RPH3AL: variants seen among roughly 807,000 people sequenced by gnomAD.
RPH3AL encodes the protein rab effector Noc2.
Under a neutral mutation model 43.1 loss-of-function variants are expected in RPH3AL, and 38 were observed. That is an observed-to-expected ratio of 0.88 (90% confidence interval 0.68 to 1.15). RPH3AL has a LOEUF of 1.15. RPH3AL is among the 50% of genes most tolerant of loss of function. RPH3AL has a pLI of 0.00. For synonymous variants in RPH3AL, 189 were observed against 176.3 expected (o/e 1.07, Z -0.57); for missense variants, 462 against 423.2 (o/e 1.09, Z -0.81).
At chr17:293,463 G>A (rs955971174) in intron 5 of RPH3AL, among the ~76,000 whole-genome samples, 1 of 151,784 alleles carries the variant, frequency 6.6e-6, no homozygotes, top group African/African-American at 2.4e-5. Context: ...CGCCAGGATG[G>A]CTGGGGGCCG....
chr17:245,961 C>G lies in RPH3AL; in HGVS notation c.613+1150G>C, dbSNP rs1414291126. 6.6e-6 allele frequency among the ~76,000 whole-genome samples: 1 copy of G among 152,164 alleles called. No individual in the cohort carries two copies. The stretch of plus-strand genomic sequence containing the variant: ...ATCCGGTAGGACCAGCGAGGAGAGG[C>G]TGCTATGAGGGAGTCGGGGTGCTGA... On this transcript the variant is annotated intron_variant, in intron 7 of 9. Coordinates refer to ENST00000331302, the MANE Select transcript of RPH3AL (RefSeq NM_006987.4). This position sits in a 1 kb window ranked among gnomAD's most constrained non-coding sequence, Gnocchi z 5.9.
At chr17:303,377 C>T (rs9747475) in intron 5 of RPH3AL, among the ~76,000 whole-genome samples, 61,523 of 150,790 alleles carry the variant, frequency 0.41, 12,902 homozygotes, top group East Asian at 0.5. Flanking sequence ...GGCAGCACAG[C>T]GAGACCCTGT....
At position 312,111 on chromosome 17, in the gene RPH3AL, G is replaced by A. The variant is rs77879664; in HGVS notation, c.351+7309C>T. Among the ~76,000 whole-genome samples, 103 of 152,156 alleles carry A rather than the reference G, an allele frequency of 6.8e-4. 1 individual carries two copies. The East Asian group carries it at 0.016, about 24-fold the overall frequency. ...TTGAGGGCTAGTTAGAGACCAGCCC[G>A]GGCAACAAAGCGATACCCTGTCTCT... On this transcript the variant is annotated intron_variant, in intron 5 of 9. Transcript: ENST00000331302.
intron 4 of RPH3AL, among the ~76,000 whole-genome samples, chr17:320,455 G>A (rs1358213301): frequency 6.6e-6 from 1 of 151,788 alleles, no homozygotes; most frequent in African/African-American, 2.4e-5. Flanking sequence ...GGGTAACATA[G>A]TGAGACCCCA....
chr17:316,160 C>G (rs2044157017), intron 5 of RPH3AL, among the ~76,000 whole-genome samples: 2 of 149,840 alleles, frequency 1.3e-5, no homozygotes, highest in African/African-American at 4.9e-5. Flanking sequence ...CTCCATTGAC[C>G]TGTAGTCCCT....
At chr17:241,714 TTTTTTTC>T (rs1452097975) in intron 7 of RPH3AL, among the ~76,000 whole-genome samples, 1 of 97,726 alleles carries the variant, frequency 1.0e-5, no homozygotes, top group Non-Finnish European at 2.1e-5. Flanking sequence ...TCTTTTTCTT[TTTTTTTC>T]TTTTTTTTTT....
intron 6 of RPH3AL, among the ~76,000 whole-genome samples, chr17:248,096 C>T (rs1567583154): frequency 6.6e-6 from 1 of 152,196 alleles, no homozygotes; most frequent in African/African-American, 2.4e-5. Flanking sequence ...ATGGGATGGA[C>T]TCTCCCAGCC....
At chr17:247,003 C>T (rs553406557) in intron 7 of RPH3AL, 108 bp downstream of exon 7, 1 of 1,206,484 alleles carries the variant, frequency 8.3e-7, no homozygotes, top group Non-Finnish European at 1.2e-6. Flanking sequence ...CAGAATGAGC[C>T]TCGTGGATGG....
intron 5 of RPH3AL, among the ~76,000 whole-genome samples, chr17:313,420 A>T (rs1289020522): frequency 6.6e-6 from 1 of 152,176 alleles, no homozygotes; most frequent in Non-Finnish European, 1.5e-5. Flanking sequence ...CCCAGATGCC[A>T]CCATGTGCCC....
intron 7 of RPH3AL, among the ~76,000 whole-genome samples, chr17:243,506 T>C (rs369597075): frequency 0.034 from 4,428 of 129,978 alleles, 143 homozygotes; most frequent in Admixed American, 0.066. Context: ...CCTCTATTGA[T>C]TACCTTCCTC....
chr17:282,854 T>C (rs2042814279), intron 5 of RPH3AL, among the ~76,000 whole-genome samples: 1 of 152,208 alleles, frequency 6.6e-6, no homozygotes, highest in South Asian at 2.1e-4. Flanking sequence ...TATTCCTGTA[T>C]CTAAATATAT....
At position 346,302 on chromosome 17, in the gene RPH3AL, G is replaced by A. The variant is rs1313235297; in HGVS notation, c.-213+6410C>T. On this transcript the variant is annotated intron_variant, in intron 1 of 9. Coordinates refer to ENST00000331302, the MANE Select transcript of RPH3AL (RefSeq NM_006987.4). ...TTTGGGGCCTTTTCCCGTCCCAGTT[G>A]TGTTAGTCCGTTTTCACGCTGCTGA... Among the ~76,000 whole-genome samples, 2 of 135,054 alleles carry A rather than the reference G, an allele frequency of 1.5e-5. 1 individual carries two copies. Among genetic ancestry groups the A allele is most frequent in the African/African-American group, 5.1e-5 (2 of 39,258 alleles). 88.6% of individuals were successfully genotyped at this position (135,054 alleles called of 152,430 possible).
In RPH3AL at chr17:225,942, CATCT is replaced by C. The variant is rs2041096804; in HGVS notation, c.614-6210_614-6207del. Among the ~76,000 whole-genome samples the C allele has an allele frequency of 6.6e-6, 1 of 152,220 alleles. No homozygotes were observed. The highest frequency in any genetic ancestry group is 2.1e-4 in the South Asian group (1 of 4,836). Reference sequence around the variant, plus strand: ...ATCTCCCCACTCTTCCTTGTTCTGTCATCTATCACACATGGTCACAGAGTTGGGC... The same window carrying C: ...ATCTCCCCACTCTTCCTTGTTCTGTCATCACACATGGTCACAGAGTTGGGC... On this transcript the variant is annotated intron_variant, in intron 7 of 9. Transcript: ENST00000331302. This position sits in a 1 kb window ranked among gnomAD's most constrained non-coding sequence, Gnocchi z 4.4.
rs376246312 is a variant in RPH3AL at position 321,221 on chromosome 17, C to T, written c.221+51G>A. 82 of 1,577,056 alleles carry T rather than the reference C, an allele frequency of 5.2e-5. 1 individual carries two copies. Among genetic ancestry groups the T allele is most frequent in the Non-Finnish European group, 5.4e-5 (63 of 1,164,910 alleles). On this transcript the variant is annotated intron_variant, in intron 4 of 9. Transcript: ENST00000331302. ...CCGGCCTCCCAGTCCCCTGCGCTTG[C>T]GCCAAAGCCCTTGCTGTCCTCCCAC...
intron 1 of RPH3AL, among the ~76,000 whole-genome samples, chr17:334,232 C>T (rs1227573206): frequency 1.3e-5 from 2 of 152,250 alleles, no homozygotes; most frequent in Admixed American, 6.5e-5. Context: ...AGAACCGCGG[C>T]TCGACCCTGA....
chr17:306,870 C>T (rs1567633295), intron 5 of RPH3AL, among the ~76,000 whole-genome samples: 1 of 151,986 alleles, frequency 6.6e-6, no homozygotes, highest in East Asian at 1.9e-4. Flanking sequence ...TCTTCCTCTC[C>T]TTCTCATGCC....
At chr17:218,604 G>C (rs542991389) in intron 8 of RPH3AL, among the ~76,000 whole-genome samples, 6 of 152,188 alleles carry the variant, frequency 3.9e-5, no homozygotes, top group Admixed American at 1.3e-4. Flanking sequence ...GTGACCGAAT[G>C]AAGCTGGCCC....
intron 3 of RPH3AL, among the ~76,000 whole-genome samples, chr17:321,872 C>T (rs535576525): frequency 7.2e-5 from 11 of 152,294 alleles, no homozygotes; most frequent in East Asian, 3.9e-4. Flanking sequence ...CAGAATGTGA[C>T]GCTCACGTAC....
At chr17:310,409 C>T (rs370269584) in intron 5 of RPH3AL, among the ~76,000 whole-genome samples, 1 of 152,140 alleles carries the variant, frequency 6.6e-6, no homozygotes, top group Non-Finnish European at 1.5e-5. Context: ...CCCAGGAGCA[C>T]CTGAGGCTCT....
Sources: gnomAD v4.1 joint callset for allele counts (sites outside exome capture counted in the v4.1 genomes callset) on GRCh38, gnomAD v4.1.1 for gene constraint, Gnocchi (gnomAD v3.1) non-coding constraint, MANE v1.5 for transcripts, NCBI Gene and HGNC (gene_info 2026-07-23, HGNC 2026-07-21) for gene names.